Variants in STRN4 observed in about 807,000 individuals in gnomAD.
STRN4 encodes striatin-4.
In STRN4, 27 loss-of-function variants were observed where a neutral mutation model predicts 77.9. The observed-to-expected ratio is 0.35, with a 90% CI of 0.26 to 0.48. The LOEUF (loss-of-function observed/expected upper bound fraction) is 0.48. Ranked by LOEUF, STRN4 falls within the 20% of genes least tolerant of loss-of-function variation. STRN4 has a pLI of 0.99. For synonymous variants in STRN4, 466 were observed against 443.1 expected (o/e 1.05, Z -0.65); for missense variants, 798 against 1,049.7 (o/e 0.76, Z 3.31).
At chr19:46,735,567 G>A (rs1278398533) in intron 4 of STRN4, among the ~76,000 whole-genome samples, 1 of 152,076 alleles carries the variant, frequency 6.6e-6, no homozygotes, top group East Asian at 1.9e-4. Flanking sequence ...TGTTTATAGG[G>A]GTATGAAATT....
intron 1 of STRN4, 105 bp downstream of exon 1, chr19:46,746,044 C>CGGCCCGG: frequency 1.2e-6 from 1 of 867,340 alleles, no homozygotes; most frequent in Non-Finnish European, 1.5e-6. Context: ...CCCCCGCCGG[C>CGGCCCGG]CGTCCCGGCG....
At chr19:46,724,678 CA>C in intron 12 of STRN4, 128 bp downstream of exon 12, 2 of 1,395,822 alleles carry the variant, frequency 1.4e-6, no homozygotes, top group African/African-American at 1.4e-5. Context: ...ACAGAGCAGA[CA>C]GGGGAGCCGT....
chr19:46,723,075 C>A lies in STRN4; in HGVS notation c.1765+39G>T. On this transcript the variant is annotated intron_variant, in intron 13 of 17. Coordinates refer to ENST00000263280, the MANE Select transcript of STRN4 (RefSeq NM_013403.3). This position sits in a 1 kb window ranked among gnomAD's most constrained non-coding sequence, Gnocchi z 5.5. Reference sequence around the variant, plus strand: ...AACCACTCTGATAGCCTCCAGATCCCGCACAGCTCCAGGGTGAGGCACCGG... The same window carrying A: ...AACCACTCTGATAGCCTCCAGATCCAGCACAGCTCCAGGGTGAGGCACCGG... 6.4e-7 allele frequency: 1 copy of A among 1,560,900 alleles called. No homozygotes were observed. Among genetic ancestry groups the A allele is most frequent in the East Asian group, 2.4e-5 (1 of 41,800 alleles).
chr19:46,722,733 G>T, intron 14 of STRN4, 77 bp downstream of exon 14: 9 of 1,581,396 alleles, frequency 5.7e-6, no homozygotes, highest in Admixed American at 1.7e-5. Context: ...CTGACAAGGG[G>T]TCGCCAAAGC....
In STRN4 at chr19:46,746,414, G is replaced by T; in HGVS notation, c.17C>A (p.Ala6Glu). The change falls in exon 1 of 18, where the codon GCG becomes GAG. Residue 6 changes from alanine to glutamate, a missense_variant. Ala to Glu is a moderately radical substitution (Grantham distance 107, BLOSUM62 -1). Transcript: ENST00000263280. The part of the protein sequence containing the change: MMEER[A>E]AAAVAAAASS... ...GGCGGCGGCGGCGACCGCGGCGGCCGCTCGCTCCTCCATCATGGAGGCCCC... is the reference window on the plus strand; with the variant it reads ...GGCGGCGGCGGCGACCGCGGCGGCCTCTCGCTCCTCCATCATGGAGGCCCC... The T allele has an allele frequency of 9.6e-7, 1 of 1,040,752 alleles. No homozygotes were observed. The highest frequency in any genetic ancestry group is 1.2e-6 in the Non-Finnish European group (1 of 868,922). The allele number at this position is 1,040,752 out of a possible 1,614,324, so 64.5% of individuals were successfully genotyped here. A position where few individuals can be genotyped will look rare whatever the true frequency, so the allele number is the denominator to read the frequency against.
chr19:46,743,043 G>A (rs1233182177), intron 1 of STRN4, among the ~76,000 whole-genome samples: 2 of 152,196 alleles, frequency 1.3e-5, no homozygotes, highest in Non-Finnish European at 2.9e-5. Context: ...CCCGTGGGAC[G>A]CTATGCAGCT....
intron 5 of STRN4, chr19:46,731,488 G>A (rs2054252956): frequency 6.5e-6 from 1 of 153,182 alleles, no homozygotes; most frequent in Non-Finnish European, 1.5e-5. Context: ...TGCGGGAGAA[G>A]GCAGGGTGCA....
intron 4 of STRN4, 25 bp downstream of exon 4, chr19:46,736,798 A>G: frequency 1.2e-6 from 2 of 1,606,948 alleles, no homozygotes; most frequent in Non-Finnish European, 1.7e-6. Context: ...ACGTGTCCCC[A>G]GCCCCCCTCC....
chr19:46,733,475 G>T lies in STRN4; in HGVS notation c.540-239C>A, dbSNP rs1049709649. On this transcript the variant is annotated intron_variant, in intron 4 of 17. Coordinates refer to ENST00000263280, the MANE Select transcript of STRN4 (RefSeq NM_013403.3). The surrounding 1 kb of genome is among the most constrained non-coding windows in gnomAD (Gnocchi z 4.3). ...CCCTGCACTGCTGTATGGGGAAGCCGAAGCACAGGGACCAGCCTCAGCACC... is the reference window on the plus strand; with the variant it reads ...CCCTGCACTGCTGTATGGGGAAGCCTAAGCACAGGGACCAGCCTCAGCACC... 6.0e-5 allele frequency: 31 copies of T among 518,502 alleles called. No individual in the cohort carries two copies. The highest frequency in any genetic ancestry group is 5.2e-4 in the Middle Eastern group (1 of 1,936). 32.1% of individuals were successfully genotyped at this position (518,502 alleles called of 1,614,324 possible).
At chr19:46,729,580 C>A (rs1040007695) in intron 6 of STRN4, among the ~76,000 whole-genome samples, 8 of 152,206 alleles carry the variant, frequency 5.3e-5, no homozygotes, top group Non-Finnish European at 1.0e-4. Flanking sequence ...AGGGTTTAGA[C>A]AGCATGCCCA....
chr19:46,733,923 G>A lies in STRN4; in HGVS notation c.540-687C>T, dbSNP rs953192931. Reference sequence around the variant, plus strand: ...GAAAAAAGAACAAAAATCAATTTGGGGTATCTGTGGCTTCAAAATACAGCG... The same window carrying A: ...GAAAAAAGAACAAAAATCAATTTGGAGTATCTGTGGCTTCAAAATACAGCG... On this transcript the variant is annotated intron_variant, in intron 4 of 17. Coordinates refer to ENST00000263280, the MANE Select transcript of STRN4 (RefSeq NM_013403.3). The surrounding 1 kb of genome is among the most constrained non-coding windows in gnomAD (Gnocchi z 4.3). The A allele has an allele frequency of 6.6e-6, 1 of 152,198 alleles. No homozygotes were observed. Among genetic ancestry groups the A allele is most frequent in the Non-Finnish European group, 1.5e-5 (1 of 68,046 alleles). 9.4% of individuals were successfully genotyped at this position (152,198 alleles called of 1,614,324 possible).
Position 46,738,038 on chromosome 19 carries a change from A to C in STRN4, c.460+126T>G. ...TGAGAGTGAGATTCCGCCCCTCCCC[A>C]GCCCCGGGGCCGATTCTGCCTTCTA... is the stretch of plus-strand genomic sequence containing the variant. On this transcript the variant is annotated intron_variant, in intron 3 of 17. Coordinates refer to ENST00000263280, the MANE Select transcript of STRN4 (RefSeq NM_013403.3). The surrounding 1 kb of genome is among the most constrained non-coding windows in gnomAD (Gnocchi z 4.5). 1.0e-6 allele frequency: 1 copy of C among 966,400 alleles called. No individual in the cohort carries two copies. The highest frequency in any genetic ancestry group is 1.6e-6 in the Non-Finnish European group (1 of 606,818). The allele number at this position is 966,400 out of a possible 1,614,324, so 59.9% of individuals were successfully genotyped here.
chr19:46,725,788 G>A (rs1012436850), intron 9 of STRN4, 140 bp from the exon 10 acceptor site: 15 of 1,095,792 alleles, frequency 1.4e-5, no homozygotes, highest in African/African-American at 4.8e-5. Context: ...GGCTCCAGCC[G>A]GGAACTCTCC....
intron 15 of STRN4, 67 bp downstream of exon 15, chr19:46,722,175 G>A (rs1265057221): frequency 2.3e-5 from 36 of 1,595,394 alleles, no homozygotes; most frequent in East Asian, 6.8e-5. Context: ...CCACAGGGAC[G>A]CAAGCATCTC....
intron 1 of STRN4, among the ~76,000 whole-genome samples, chr19:46,740,791 T>C (rs1364069378): frequency 6.6e-6 from 1 of 152,064 alleles, no homozygotes; most frequent in Admixed American, 6.6e-5. Context: ...GAGACAGGCA[T>C]GAGCAGCAAC....
intron 6 of STRN4, among the ~76,000 whole-genome samples, chr19:46,729,242 G>A (rs1426339812): frequency 2.0e-5 from 3 of 152,198 alleles, no homozygotes; most frequent in Non-Finnish European, 4.4e-5. Context: ...ACCCCTCGCA[G>A]ACACGACTTC....
At position 46,723,377 on chromosome 19, in the gene STRN4, G is replaced by C; in HGVS notation, c.1595-93C>G. The stretch of plus-strand genomic sequence containing the variant: ...CCCCAGCTCTGCCAAGCCCCAGGCA[G>C]CTGGGCTCCAATCACCCACGCACCC... On this transcript the variant is annotated intron_variant, in intron 12 of 17. Transcript: ENST00000263280. The surrounding 1 kb of genome is among the most constrained non-coding windows in gnomAD (Gnocchi z 5.5). The C allele has an allele frequency of 2.1e-6, 3 of 1,432,802 alleles. No homozygotes were observed. The highest frequency in any genetic ancestry group is 2.8e-6 in the Non-Finnish European group (3 of 1,085,466). The allele number at this position is 1,432,802 out of a possible 1,614,324, so 88.8% of individuals were successfully genotyped here.
At position 46,723,981 on chromosome 19, in the gene STRN4, C is replaced by G. The variant is rs1018666845; in HGVS notation, c.1595-697G>C. ...AAGGAGGCAGAGCCGGGCGCAGTGGCTCATGCCTGCAATCCCAGCACTTTG... is the reference window on the plus strand; with the variant it reads ...AAGGAGGCAGAGCCGGGCGCAGTGGGTCATGCCTGCAATCCCAGCACTTTG... On this transcript the variant is annotated intron_variant, in intron 12 of 17. Coordinates refer to ENST00000263280, the MANE Select transcript of STRN4 (RefSeq NM_013403.3). This position sits in a 1 kb window ranked among gnomAD's most constrained non-coding sequence, Gnocchi z 5.5. Among the ~76,000 whole-genome samples the G allele has an allele frequency of 6.6e-6, 1 of 152,174 alleles. No homozygotes were observed. The highest frequency in any genetic ancestry group is 2.4e-5 in the African/African-American group (1 of 41,434).
At position 46,738,594 on chromosome 19, in the gene STRN4, G is replaced by A. The variant is rs1037737736; in HGVS notation, c.386+191C>T. ...GTGGGCCACTAGCATCGTGAATATC[G>A]TTCCTGGTGTCTAACCCAAATCCCA... On this transcript the variant is annotated intron_variant, in intron 2 of 17. Coordinates refer to ENST00000263280, the MANE Select transcript of STRN4 (RefSeq NM_013403.3). This position sits in a 1 kb window ranked among gnomAD's most constrained non-coding sequence, Gnocchi z 4.5. Among the ~76,000 whole-genome samples the A allele has an allele frequency of 2.0e-5, 3 of 152,172 alleles. No individual in the cohort carries two copies. Among genetic ancestry groups the A allele is most frequent in the Non-Finnish European group, 4.4e-5 (3 of 68,040 alleles).
Sources: allele counts gnomAD v4.1 joint callset (sites outside exome capture counted in the v4.1 genomes callset), GRCh38; gene constraint gnomAD v4.1.1; non-coding constraint Gnocchi (gnomAD v3.1); transcripts MANE v1.5; gene names NCBI Gene and HGNC (gene_info 2026-07-23, HGNC 2026-07-21).